Variants in CYBB observed in about 807,000 individuals in gnomAD.
CYBB encodes NADPH oxidase 2.
In CYBB, 5 loss-of-function variants were observed where a neutral mutation model predicts 46.5. The observed-to-expected ratio is 0.11, with a 90% CI of 0.06 to 0.23. CYBB has a LOEUF of 0.23. Among genes scored for constraint, CYBB ranks in the 10% least tolerant of loss-of-function variants. CYBB has a pLI of 1.00. For missense variants in CYBB, 307 were observed against 428.3 expected, an observed-to-expected ratio of 0.72 and a Z score of 2.50; for synonymous variants, 183 against 156.7, an observed-to-expected ratio of 1.17 and a Z score of -1.26.
intron 3 of CYBB, among the ~76,000 whole-genome samples, chrX:37,789,918 A>T (rs1929159446): frequency 9.0e-6 from 1 of 111,427 alleles, no homozygotes; most frequent in South Asian, 3.7e-4. Context: ...CCATGCGACA[A>T]CTGCCCTTTG....
At chrX:37,787,644 G>T (rs781786210) in intron 3 of CYBB, among the ~76,000 whole-genome samples, 5 of 111,768 alleles carry the variant, frequency 4.5e-5, no homozygotes, top group Non-Finnish European at 9.4e-5. Flanking sequence ...GTGGATAATT[G>T]GGAAGTGGCT....
chrX:37,780,728 G>GTA lies in CYBB; in HGVS notation c.45+617_45+618dup, dbSNP rs782711026. ...GTAGTATGTATATTTATATATAATT[G>GTA]TATATATATATAAATCAATATAGTC... is the stretch of plus-strand genomic sequence containing the variant. On this transcript the variant is annotated intron_variant, in intron 1 of 12. Coordinates refer to ENST00000378588, the MANE Select transcript of CYBB (RefSeq NM_000397.4). Among the ~76,000 whole-genome samples the GTA allele has an allele frequency of 2.7e-4, 28 of 102,642 alleles. No individual in the cohort carries two copies. In the South Asian group the frequency reaches 3.9e-3, roughly 14 times the overall value. 89.1% of individuals were successfully genotyped at this position (102,642 alleles called of 115,157 possible).
intron 10 of CYBB, among the ~76,000 whole-genome samples, chrX:37,805,808 TG>T (rs1929549582): frequency 9.0e-6 from 1 of 111,450 alleles, no homozygotes; most frequent in Non-Finnish European, 1.9e-5. Flanking sequence ...GGAGATTTTT[TG>T]GTTACCTATA....
intron 3 of CYBB, among the ~76,000 whole-genome samples, chrX:37,789,159 C>T (rs1189449700): frequency 3.6e-5 from 4 of 111,578 alleles, no homozygotes; most frequent in African/African-American, 1.3e-4. Flanking sequence ...CAACCAGCAG[C>T]AGTGCTTCAA....
At position 37,795,890 on chromosome X, in the gene CYBB, ATGTGTGTGTG is replaced by A. The variant is rs57325016; in HGVS notation, c.484-23_484-14del. 1.0e-2 allele frequency: 5,792 copies of A among 581,871 alleles called. 45 individuals carry two copies. Among genetic ancestry groups the A allele is most frequent in the African/African-American group, 0.036 (1,473 of 40,583 alleles). 48.0% of individuals were successfully genotyped at this position (581,871 alleles called of 1,213,427 possible). A position where few individuals can be genotyped will look rare whatever the true frequency, so the allele number is the denominator to read the frequency against. On this transcript the variant is annotated intron_variant, in intron 5 of 12. Coordinates refer to ENST00000378588, the MANE Select transcript of CYBB (RefSeq NM_000397.4). ...AACCTATAATATTGTGCTTGCGCAC[ATGTGTGTGTG>A]TGTGTGTGTGTGTGTGTGTGTGTGT...
intron 3 of CYBB, among the ~76,000 whole-genome samples, chrX:37,786,712 C>T (rs1556465623): frequency 1.8e-5 from 2 of 111,113 alleles, no homozygotes; most frequent in Non-Finnish European, 3.8e-5. Context: ...GCCTTAAAAA[C>T]CCCCAACTTG....
At chrX:37,785,500 G>A (rs782713085) in intron 3 of CYBB, among the ~76,000 whole-genome samples, 1 of 112,131 alleles carries the variant, frequency 8.9e-6, no homozygotes, top group African/African-American at 3.2e-5. Flanking sequence ...AAAGTATAAC[G>A]TTTAATATAT....
chrX:37,799,121 ACTGACAAT>A (rs1556469212), intron 7 of CYBB, 37 bp downstream of exon 7: 2 of 1,165,328 alleles, frequency 1.7e-6, no homozygotes, highest in Non-Finnish European at 2.3e-6. Flanking sequence ...CAGTTTCATT[ACTGACAAT>A]CTTTAACCTG....
chrX:37,790,803 T>C (rs1285480202), intron 3 of CYBB, among the ~76,000 whole-genome samples: 1 of 111,472 alleles, frequency 9.0e-6, no homozygotes, highest in Non-Finnish European at 1.9e-5. Flanking sequence ...TAGAACCAAA[T>C]ATTTTAAGTA....
chrX:37,791,229 G>A (rs1556466863), intron 3 of CYBB, among the ~76,000 whole-genome samples: 1 of 110,915 alleles, frequency 9.0e-6, no homozygotes. Flanking sequence ...TTTCTCATCT[G>A]TTATGTAGTA....
At position 37,780,101 on chromosome X, in the gene CYBB, G is replaced by A; in HGVS notation, c.24G>A (p.Glu8=). The A allele has an allele frequency of 8.3e-7, 1 of 1,209,417 alleles. No individual in the cohort carries two copies. Among genetic ancestry groups the A allele is most frequent in the Non-Finnish European group, 1.1e-6 (1 of 893,569 alleles). The change falls in exon 1 of 13, where the codon GAG becomes GAA. Residue 8 remains glutamate, a synonymous_variant. Coordinates refer to ENST00000378588, the MANE Select transcript of CYBB (RefSeq NM_000397.4). ...CCATGGGGAACTGGGCTGTGAATGA[G>A]GGGCTCTCCATTTTTGTCATTGTAA... is the stretch of plus-strand genomic sequence containing the variant. MGNWAVN[E]GLSIFVILVW... is the part of the protein sequence containing the mutation.
chrX:37,809,260 T>C (rs1364812162), intron 11 of CYBB, among the ~76,000 whole-genome samples: 2 of 112,311 alleles, frequency 1.8e-5, no homozygotes, highest in Non-Finnish European at 3.8e-5. Context: ...ACTCAAATAC[T>C]GCGGCCCTAA....
In CYBB at chrX:37,811,140, T is replaced by C. The variant is rs1405150476; in HGVS notation, c.*223T>C. On this transcript the variant is annotated 3_prime_UTR_variant, in exon 13 of 13. Coordinates refer to ENST00000378588, the MANE Select transcript of CYBB (RefSeq NM_000397.4). ...CTTTTACAAACATTATTTCATTTTT[T>C]TCCTCTCAGTAATGTCAGTGGAAGT... 3.1e-6 allele frequency: 1 copy of C among 326,474 alleles called. No individual in the cohort carries two copies. The highest frequency in any genetic ancestry group is 5.4e-6 in the Non-Finnish European group (1 of 184,417). 26.9% of individuals were successfully genotyped at this position (326,474 alleles called of 1,213,427 possible).
rs1241785212 is a variant in CYBB, at chrX:37,812,102, G to C, written c.*1185G>C. On this transcript the variant is annotated 3_prime_UTR_variant, in exon 13 of 13. Transcript: ENST00000378588. ...CATCTGTGTGACTAATGGTTTATTT[G>C]TATTATATCATCATCATCATCCTAA... 2 of 112,053 alleles carry C rather than the reference G, an allele frequency of 1.8e-5. No individual in the cohort carries two copies. Among genetic ancestry groups the C allele is most frequent in the South Asian group, 3.7e-4 (1 of 2,727 alleles). The allele number at this position is 112,053 out of a possible 1,213,427, so 9.2% of individuals were successfully genotyped here.
chrX:37,803,765 TA>T, intron 8 of CYBB, 111 bp from the exon 9 acceptor site: 1 of 775,413 alleles, frequency 1.3e-6, no homozygotes, highest in Non-Finnish European at 1.9e-6. Context: ...GTGTTGTCCC[TA>T]AAGCAGAGAT....
intron 3 of CYBB, among the ~76,000 whole-genome samples, chrX:37,790,197 A>G (rs1929167814): frequency 8.9e-6 from 1 of 112,266 alleles, no homozygotes. Context: ...GCCCAATGAT[A>G]TGATATGATC....
intron 4 of CYBB, 103 bp downstream of exon 4, chrX:37,792,162 T>G: frequency 3.7e-6 from 2 of 542,165 alleles, no homozygotes; most frequent in Non-Finnish European, 6.5e-6. Flanking sequence ...TAAGTGGTGG[T>G]TGGATATGTT....
intron 8 of CYBB, among the ~76,000 whole-genome samples, chrX:37,802,653 A>G (rs781993975): frequency 4.5e-5 from 5 of 112,232 alleles, no homozygotes; most frequent in Non-Finnish European, 9.4e-5. Context: ...TTCAGAACAG[A>G]AGGGAAGTTT....
chrX:37,805,696 A>G (rs782611747), intron 10 of CYBB, among the ~76,000 whole-genome samples: 1 of 111,032 alleles, frequency 9.0e-6, no homozygotes, highest in East Asian at 2.9e-4. Flanking sequence ...TTCAATTTCC[A>G]GCCGCGCCCC....
Sources: gnomAD v4.1 joint callset for allele counts (sites outside exome capture counted in the v4.1 genomes callset) on GRCh38, gnomAD v4.1.1 for gene constraint, MANE v1.5 for transcripts, NCBI Gene and HGNC (gene_info 2026-07-23, HGNC 2026-07-21) for gene names.